The following TCEA2 variants were observed in gnomAD, a reference collection of about 807,000 sequenced individuals.
The protein encoded by TCEA2 is transcription elongation factor A protein 2.
A neutral mutation model predicts 40.8 loss-of-function variants in TCEA2; 21 were observed. The observed-to-expected ratio is 0.51, with a 90% confidence interval of 0.36 to 0.74. TCEA2 has a LOEUF of 0.74. Among genes scored for constraint, TCEA2 ranks in the 30% least tolerant of loss-of-function variants. The pLI is 0.00. For missense variants in TCEA2, 326 were observed against 426.5 expected, an observed-to-expected ratio of 0.76 and a Z score of 2.08; for synonymous variants, 165 against 162.7, an observed-to-expected ratio of 1.01 and a Z score of -0.11.
Position 64,066,544 on chromosome 20 carries a change from T to G in TCEA2, c.135+6T>G, listed in dbSNP as rs1283086663. 1.2e-6 allele frequency: 2 copies of G among 1,612,904 alleles called. No homozygotes were observed. Among genetic ancestry groups the G allele is most frequent in the Non-Finnish European group, 8.5e-7 (1 of 1,179,444 alleles). On this transcript the variant is annotated splice_donor_region_variant and intron_variant, in intron 2 of 9. Transcript: ENST00000343484. ...TCACGCTGCACCTGCTCCAGGTAGGTCCCTGCCTGCCCCAGGTCCAGGACA... is the reference window on the plus strand; with the variant it reads ...TCACGCTGCACCTGCTCCAGGTAGGGCCCTGCCTGCCCCAGGTCCAGGACA...
At chr20:64,055,830 T>A (rs769624096), upstream of TCEA2, among the ~76,000 whole-genome samples, 30 of 152,042 alleles carry the variant, frequency 2.0e-4, no homozygotes, top group Non-Finnish European at 4.0e-4. This position sits in a 1 kb window ranked among gnomAD's most constrained non-coding sequence, Gnocchi z 4.0. Context: ...TCAGACCCCA[T>A]CTGGCTGCCC....
intron 6 of TCEA2, 116 bp from the exon 7 acceptor site, chr20:64,070,144 C>G (rs2059795189): frequency 6.7e-7 from 1 of 1,484,246 alleles, no homozygotes; most frequent in Non-Finnish European, 9.2e-7. Flanking sequence ...CAGACCGACC[C>G]CTGTGTGGCT....
At chr20:64,062,552 T>A (rs1454939161), upstream of TCEA2, 1 of 151,638 alleles carries the variant, frequency 6.6e-6, no homozygotes, top group Non-Finnish European at 1.5e-5. Context: ...CAGAATCTGC[T>A]CCCTGGTAGC....
intron 3 of TCEA2, among the ~76,000 whole-genome samples, chr20:64,067,283 A>G (rs576525435): frequency 1.1e-4 from 16 of 152,084 alleles, no homozygotes; most frequent in Admixed American, 2.0e-4. Context: ...GAACAAGGAG[A>G]GAAGAGAGTT....
At chr20:64,066,256 C>T in intron 1 of TCEA2, 1 of 517,724 alleles carries the variant, frequency 1.9e-6, no homozygotes, top group Non-Finnish European at 3.5e-6. Flanking sequence ...TGCAGAACCC[C>T]TCCCCTTCTT....
At chr20:64,066,735 C>G (rs1049471876) in intron 2 of TCEA2, among the ~76,000 whole-genome samples, 180 bp from the exon 3 acceptor site, 2 of 152,234 alleles carry the variant, frequency 1.3e-5, no homozygotes, top group African/African-American at 4.8e-5. Flanking sequence ...GATAACCCAT[C>G]TTGTCCTCCG....
chr20:64,058,556 A>T (rs2059504500), upstream of TCEA2, among the ~76,000 whole-genome samples: 1 of 152,230 alleles, frequency 6.6e-6, no homozygotes, highest in Non-Finnish European at 1.5e-5. This position sits in a 1 kb window ranked among gnomAD's most constrained non-coding sequence, Gnocchi z 6.7. Context: ...ACTCAGGCTC[A>T]GCAAGGGCCG....
chr20:64,068,107 G>C lies in TCEA2; in HGVS notation c.302G>C (p.Arg101Thr). ...GGCATGCCTCTGCCCACGTCCTCGAGGGATGCCTCAGAGGCCCCGGATCCC... is the reference window on the plus strand; with the variant it reads ...GGCATGCCTCTGCCCACGTCCTCGACGGATGCCTCAGAGGCCCCGGATCCC... ...GRGMPLPTSS[R>T]DASEAPDPSR... is the part of the protein sequence containing the mutation. The change falls in exon 4 of 10, where the codon AGG becomes ACG. Residue 101 changes from arginine (R) to threonine (T), a missense_variant. Arg to Thr is a moderately conservative substitution (Grantham distance 71). Transcript: ENST00000343484. 1 of 1,609,750 alleles carries C rather than the reference G, an allele frequency of 6.2e-7. No individual in the cohort carries two copies. The highest frequency in any genetic ancestry group is 8.5e-7 in the Non-Finnish European group (1 of 1,178,432).
At chr20:64,056,072 G>T (rs1239158117), upstream of TCEA2, among the ~76,000 whole-genome samples, 1 of 152,038 alleles carries the variant, frequency 6.6e-6, no homozygotes, top group Admixed American at 6.5e-5. Flanking sequence ...GTTAGAGCAA[G>T]CCTGGAGCAG....
chr20:64,055,793 C>T (rs1035315836), upstream of TCEA2, among the ~76,000 whole-genome samples: 62 of 152,256 alleles, frequency 4.1e-4, no homozygotes, highest in African/African-American at 1.4e-3. This position sits in a 1 kb window ranked among gnomAD's most constrained non-coding sequence, Gnocchi z 4.0. Context: ...GCTTCTGCCG[C>T]GGCGGGAGCC....
chr20:64,055,857 C>A (rs1040687129), upstream of TCEA2, among the ~76,000 whole-genome samples: 3 of 152,126 alleles, frequency 2.0e-5, no homozygotes, highest in Non-Finnish European at 4.4e-5. This position sits in a 1 kb window ranked among gnomAD's most constrained non-coding sequence, Gnocchi z 4.0. Context: ...TCTCCCTGGT[C>A]TCTCTCTGGG....
chr20:64,070,729 C>T, intron 8 of TCEA2, 94 bp downstream of exon 8: 1 of 1,436,630 alleles, frequency 7.0e-7, no homozygotes. Context: ...GCCTCTGCTG[C>T]ATGAATTTCC....
intron 6 of TCEA2, 136 bp downstream of exon 6, chr20:64,069,957 G>GACCACCCAGGCA: frequency 1.8e-6 from 2 of 1,141,050 alleles, no homozygotes; most frequent in Non-Finnish European, 2.6e-6. Context: ...TCACCTGCCT[G>GACCACCCAGGCA]GGTGGTCAGG....
chr20:64,071,507 A>C (rs547029892), intron 8 of TCEA2, among the ~76,000 whole-genome samples: 1 of 152,316 alleles, frequency 6.6e-6, no homozygotes, highest in African/African-American at 2.4e-5. Context: ...GCCACTGGTC[A>C]GAACAGGCTC....
chr20:64,071,817 C>T (rs377484447), intron 8 of TCEA2, 53 bp from the exon 9 acceptor site: 45 of 1,600,386 alleles, frequency 2.8e-5, no homozygotes, highest in South Asian at 2.4e-4. Context: ...GAGGGGATGC[C>T]GTCTGCAGCG....
Position 64,063,384 on chromosome 20 carries a change from G to T in TCEA2, c.72G>T (p.Ala24=). The T allele has an allele frequency of 6.5e-7, 1 of 1,546,276 alleles. No individual in the cohort carries two copies. The highest frequency in any genetic ancestry group is 8.7e-7 in the Non-Finnish European group (1 of 1,146,270). ...ACAAGATGGTGACCAAGAAGAGCGCGGTGAGGGGCGCGGGCCGCCAGGACC... is the reference window on the plus strand; with the variant it reads ...ACAAGATGGTGACCAAGAAGAGCGCTGTGAGGGGCGCGGGCCGCCAGGACC... ...RLDKMVTKKS[A]EGAMDLLREL... is the part of the protein sequence containing the mutation. Residue 24 remains alanine, a splice_region_variant and synonymous_variant, in exon 1 of 10, where the codon GCG becomes GCT. Coordinates refer to ENST00000343484, the MANE Select transcript of TCEA2 (RefSeq NM_003195.6).
upstream of TCEA2, chr20:64,062,885 C>G (rs549219167): frequency 6.5e-6 from 1 of 154,166 alleles, no homozygotes; most frequent in South Asian, 2.1e-4. Flanking sequence ...CGCGGGACAG[C>G]AAGGCCCGAA....
At position 64,068,399 on chromosome 20, in the gene TCEA2, G is replaced by A. The variant is rs535804622; in HGVS notation, c.329+265G>A. Among the ~76,000 whole-genome samples, 349 of 152,316 alleles carry A rather than the reference G, an allele frequency of 2.3e-3. 1 individual carries two copies. Among genetic ancestry groups the A allele is most frequent in the African/African-American group, 8.1e-3 (335 of 41,564 alleles). ...GCTGTATACCCTGAGTGGGCCTGTGGGAGCCCCCTGGCCTCTTCCCCCAAG... is the reference window on the plus strand; with the variant it reads ...GCTGTATACCCTGAGTGGGCCTGTGAGAGCCCCCTGGCCTCTTCCCCCAAG... On this transcript the variant is annotated intron_variant, in intron 4 of 9. Transcript: ENST00000343484.
intron 4 of TCEA2, 90 bp downstream of exon 4, chr20:64,068,224 C>A: frequency 1.7e-6 from 2 of 1,200,520 alleles, no homozygotes; most frequent in Non-Finnish European, 2.4e-6. Context: ...TGTGCCTAGG[C>A]ACTGCTTTGA....
Sources: allele counts gnomAD v4.1 joint callset (sites outside exome capture counted in the v4.1 genomes callset), GRCh38; gene constraint gnomAD v4.1.1; non-coding constraint Gnocchi (gnomAD v3.1); transcripts MANE v1.5; gene names NCBI Gene and HGNC (gene_info 2026-07-23, HGNC 2026-07-21).